NRG1: variants seen among roughly 807,000 people sequenced by gnomAD.
NRG1 encodes the protein neuregulin 1, also known as pro-neuregulin-1, membrane-bound isoform.
Under a neutral mutation model 63.8 loss-of-function variants are expected in NRG1, and 18 were observed. That is an observed-to-expected ratio of 0.28 (90% CI 0.19 to 0.42). NRG1 has a LOEUF of 0.42. Among genes scored for constraint, NRG1 ranks in the 10% least tolerant of loss-of-function variants. The pLI is 1.00. For synonymous variants in NRG1, 302 were observed against 301.3 expected (o/e 1.00, Z -0.02); for missense variants, 762 against 814.7 (o/e 0.94, Z 0.79).
rs540633456 is a variant in NRG1, at chr8:32,323,398, G to A, written c.38-272430G>A. 2.6e-5 allele frequency among the ~76,000 whole-genome samples: 4 copies of A among 152,228 alleles called. No homozygotes were observed. In the South Asian group the frequency reaches 8.3e-4, roughly 32 times the overall value. On this transcript the variant is annotated intron_variant, in intron 1 of 10. Transcript: ENST00000519301. Reference sequence around the variant, plus strand: ...TTTGCTTCTTTTGGAAAAAAATAAAGAAAAGAGACTGATTTAGAGCCTATA... The same window carrying A: ...TTTGCTTCTTTTGGAAAAAAATAAAAAAAAGAGACTGATTTAGAGCCTATA...
chr8:31,865,379 T>C (rs982983302), intron 1 of NRG1, among the ~76,000 whole-genome samples: 4 of 152,116 alleles, frequency 2.6e-5, no homozygotes, highest in Non-Finnish European at 5.9e-5. Context: ...ATTCTGAAGA[T>C]CCACCTCCTC....
At chr8:32,084,587 T>C (rs1827951600) in intron 1 of NRG1, among the ~76,000 whole-genome samples, 1 of 152,228 alleles carries the variant, frequency 6.6e-6, no homozygotes, top group Non-Finnish European at 1.5e-5. Flanking sequence ...AGAGATGCCA[T>C]GTGTTACTTA....
intron 1 of NRG1, among the ~76,000 whole-genome samples, chr8:32,525,391 G>GGTGTGTGTGTGTGTGTGT (rs200594879): frequency 6.9e-6 from 1 of 145,794 alleles, no homozygotes; most frequent in African/African-American, 2.6e-5. Context: ...ATGAGGTAGG[G>GGTGTGTGTGTGTGTGTGT]GTGTGTGTGT....
intron 1 of NRG1, among the ~76,000 whole-genome samples, chr8:31,841,246 G>T (rs1826176130): frequency 6.6e-6 from 1 of 151,684 alleles, no homozygotes; most frequent in Admixed American, 6.6e-5. Flanking sequence ...TGGGGGGTGG[G>T]TGGGCTTCTG....
At chr8:32,026,771 A>G (rs1817443025) in intron 1 of NRG1, among the ~76,000 whole-genome samples, 1 of 152,114 alleles carries the variant, frequency 6.6e-6, no homozygotes, top group African/African-American at 2.4e-5. Flanking sequence ...TTTTCAGGAA[A>G]TTTCTTGGAT....
intron 1 of NRG1, among the ~76,000 whole-genome samples, chr8:32,362,735 C>T (rs1807390475): frequency 6.6e-6 from 1 of 152,082 alleles, no homozygotes; most frequent in Non-Finnish European, 1.5e-5. Flanking sequence ...AAAGATTTTG[C>T]AAAATACTTG....
At chr8:32,172,034 G>A (rs543025043) in intron 1 of NRG1, among the ~76,000 whole-genome samples, 18 of 152,264 alleles carry the variant, frequency 1.2e-4, no homozygotes, top group East Asian at 9.7e-4. Flanking sequence ...ATCTGAGAAC[G>A]GACAGACTGC....
chr8:32,628,687 C>A (rs142941923), intron 5 of NRG1, among the ~76,000 whole-genome samples: 153 of 150,822 alleles, frequency 1.0e-3, no homozygotes, highest in African/African-American at 3.5e-3. Context: ...AAGTAACATG[C>A]ACTACATGTG....
intron 1 of NRG1, among the ~76,000 whole-genome samples, chr8:31,918,158 T>A (rs1833575601): frequency 6.6e-6 from 1 of 152,164 alleles, no homozygotes; most frequent in Non-Finnish European, 1.5e-5. Flanking sequence ...ACAGGGACAA[T>A]TTGACTTCCT....
intron 1 of NRG1, among the ~76,000 whole-genome samples, chr8:32,352,937 T>G (rs1805812786): frequency 7.9e-6 from 1 of 125,934 alleles, no homozygotes; most frequent in African/African-American, 2.8e-5. Flanking sequence ...AGACTATATA[T>G]ATGTGTGTGT....
chr8:32,371,703 A>G (rs1808883279), intron 1 of NRG1, among the ~76,000 whole-genome samples: 1 of 152,134 alleles, frequency 6.6e-6, no homozygotes, highest in Admixed American at 6.5e-5. Flanking sequence ...CCTTTCTGCC[A>G]TCTGGATCAG....
intron 1 of NRG1, among the ~76,000 whole-genome samples, chr8:32,538,678 G>A (rs1832269507): frequency 6.6e-6 from 1 of 152,174 alleles, no homozygotes; most frequent in African/African-American, 2.4e-5. Flanking sequence ...TATTTGGAAA[G>A]ATTTCAAAAC....
chr8:32,202,781 CCTCTGCTGCACTG>C (rs1490858425), intron 1 of NRG1, among the ~76,000 whole-genome samples: 4 of 151,354 alleles, frequency 2.6e-5, no homozygotes, highest in Admixed American at 2.6e-4. Context: ...TCTCTTCCCT[CCTCTGCTGCACTG>C]CTCTGCTGCT....
intron 1 of NRG1, among the ~76,000 whole-genome samples, chr8:31,733,726 A>T (rs1227952416): frequency 3.7e-4 from 56 of 152,154 alleles, no homozygotes; most frequent in Admixed American, 3.7e-3. Context: ...CACATGTCAT[A>T]CTTTGCACCA....
At chr8:32,418,377 A>T (rs1444146320) in intron 1 of NRG1, among the ~76,000 whole-genome samples, 1 of 149,330 alleles carries the variant, frequency 6.7e-6, no homozygotes, top group Non-Finnish European at 1.5e-5. Context: ...TAACTCTTTA[A>T]TATATTTAAT....
At chr8:32,291,771 C>G (rs1854231054) in intron 1 of NRG1, among the ~76,000 whole-genome samples, 1 of 152,074 alleles carries the variant, frequency 6.6e-6, no homozygotes, top group Non-Finnish European at 1.5e-5. Flanking sequence ...TCTTGAGCTC[C>G]TGACCTCAAG....
chr8:32,546,053 T>A (rs191440048), upstream of NRG1, among the ~76,000 whole-genome samples: 6 of 152,324 alleles, frequency 3.9e-5, no homozygotes, highest in Admixed American at 3.3e-4. Flanking sequence ...ATCCTGCTTT[T>A]ACGTTTTATC....
At chr8:32,094,476 A>T (rs1829623903) in intron 1 of NRG1, among the ~76,000 whole-genome samples, 1 of 152,178 alleles carries the variant, frequency 6.6e-6, no homozygotes, top group African/African-American at 2.4e-5. Context: ...TGAAATGATA[A>T]TATAGCTTGT....
rs117719397 is a variant in NRG1, at chr8:31,831,349, C to T, written c.37+191918C>T. Among the ~76,000 whole-genome samples, 1,094 of 152,178 alleles carry T rather than the reference C, an allele frequency of 7.2e-3. 44 individuals carry two copies. The South Asian group carries it at 0.11, about 16-fold the overall frequency. On this transcript the variant is annotated intron_variant, in intron 1 of 10. Transcript: ENST00000519301. Reference sequence around the variant, plus strand: ...AACTTTTGGCCTCAAGTGATCTGCCCCCGTTGGCCTCCCAAAGTGCTGGGA... The same window carrying T: ...AACTTTTGGCCTCAAGTGATCTGCCTCCGTTGGCCTCCCAAAGTGCTGGGA...
Sources: gnomAD v4.1 joint callset for allele counts (sites outside exome capture counted in the v4.1 genomes callset) on GRCh38, gnomAD v4.1.1 for gene constraint, MANE v1.5 for transcripts, NCBI Gene and HGNC (gene_info 2026-07-23, HGNC 2026-07-21) for gene names.